The following TIFAB variants were observed in gnomAD, a reference collection of about 807,000 sequenced individuals.
The protein encoded by TIFAB is TRAF-interacting protein with FHA domain-containing protein B.
For missense variants in TIFAB, 222 were observed against 203.6 expected (o/e 1.09, Z -0.55); for synonymous variants, 116 against 95.2 (o/e 1.22, Z -1.27).
Position 135,446,315 on chromosome 5 carries a change from G to C in TIFAB, c.*3139C>G. On this transcript the variant is annotated 3_prime_UTR_variant, in exon 2 of 2. Coordinates refer to ENST00000537858, the MANE Select transcript of TIFAB (RefSeq NM_001099221.2). ...GCTGGGAGCAGCGTTCATGTGCACT[G>C]TATGTTCGTGTTTAGTGTATGTCTG... 2.6e-6 allele frequency: 4 copies of C among 1,534,518 alleles called. No homozygotes were observed. The South Asian group carries it at 5.2e-5, about 20-fold the overall frequency.
chr5:135,447,233 G>T lies in TIFAB; in HGVS notation c.*2221C>A, dbSNP rs1049043501. On this transcript the variant is annotated 3_prime_UTR_variant, in exon 2 of 2. Transcript: ENST00000537858. ...CCCATTATACTAACCCTGCCTATTG[G>T]ACCTTCTGATGCAAGGAGCAGATTA... 3.4e-6 allele frequency: 4 copies of T among 1,183,808 alleles called. No individual in the cohort carries two copies. The African/African-American group carries it at 6.1e-5, about 18-fold the overall frequency. 73.3% of individuals were successfully genotyped at this position (1,183,808 alleles called of 1,614,324 possible).
At position 135,447,016 on chromosome 5, in the gene TIFAB, A is replaced by G. The variant is rs1769281301; in HGVS notation, c.*2438T>C. The G allele has an allele frequency of 2.5e-6, 4 of 1,613,628 alleles. No individual in the cohort carries two copies. Among genetic ancestry groups the G allele is most frequent in the Non-Finnish European group, 3.4e-6 (4 of 1,179,786 alleles). On this transcript the variant is annotated 3_prime_UTR_variant, in exon 2 of 2. Transcript: ENST00000537858. ...ACCCTGGGAACTCTGGGGTTTCCCC[A>G]CCAGCTCCTCTCTCCAGTCTTTGGT...
chr5:135,450,086 C>T, intron 1 of TIFAB, 137 bp from the exon 2 acceptor site: 1 of 1,201,842 alleles, frequency 8.3e-7, no homozygotes, highest in Non-Finnish European at 1.1e-6. Flanking sequence ...CAGGATGGAG[C>T]CAAGGCTGGA....
chr5:135,446,236 T>G lies in TIFAB; in HGVS notation c.*3218A>C. ...TCCAGGATCACAGAACTATAGTAAG[T>G]GGGGGTGGGGACAAGAATTCTAACC... is the stretch of plus-strand genomic sequence containing the variant. On this transcript the variant is annotated 3_prime_UTR_variant, in exon 2 of 2. Coordinates refer to ENST00000537858, the MANE Select transcript of TIFAB (RefSeq NM_001099221.2). 1.0e-6 allele frequency: 1 copy of G among 1,001,456 alleles called. No individual in the cohort carries two copies. Among genetic ancestry groups the G allele is most frequent in the Non-Finnish European group, 1.5e-6 (1 of 679,056 alleles). The allele number at this position is 1,001,456 out of a possible 1,614,324, so 62.0% of individuals were successfully genotyped here. A position where few individuals can be genotyped will look rare whatever the true frequency, so the allele number is the denominator to read the frequency against.
Position 135,445,818 on chromosome 5 carries a change from G to A in TIFAB, c.*3636C>T, listed in dbSNP as rs537557379. The A allele has an allele frequency of 6.5e-6, 1 of 153,068 alleles. No homozygotes were observed. The highest frequency in any genetic ancestry group is 1.9e-4 in the East Asian group (1 of 5,184). 9.5% of individuals were successfully genotyped at this position (153,068 alleles called of 1,614,324 possible). ...GGAGCATTTGCAAGTCTCCCTCGAG[G>A]GGAGCCCGTGTCTCTCACGGACAGC... On this transcript the variant is annotated 3_prime_UTR_variant, in exon 2 of 2. Coordinates refer to ENST00000537858, the MANE Select transcript of TIFAB (RefSeq NM_001099221.2).
chr5:135,450,073 A>C, intron 1 of TIFAB, 124 bp from the exon 2 acceptor site: 1 of 1,317,954 alleles, frequency 7.6e-7, no homozygotes, highest in African/African-American at 1.5e-5. Context: ...ACTCTGCCCA[A>C]GCCAGGATGG....
In TIFAB at chr5:135,448,804, G is replaced by C. The variant is rs1769316202; in HGVS notation, c.*650C>G. ...GTCTATATTTCCCACCCCCACGTCT[G>C]CATGACAGCGTGGCGTGCATGTGGC... On this transcript the variant is annotated 3_prime_UTR_variant, in exon 2 of 2. Transcript: ENST00000537858. The C allele has an allele frequency of 6.5e-6, 1 of 152,858 alleles. No individual in the cohort carries two copies. The allele number at this position is 152,858 out of a possible 1,614,324, so 9.5% of individuals were successfully genotyped here.
chr5:135,446,551 T>C lies in TIFAB; in HGVS notation c.*2903A>G. On this transcript the variant is annotated 3_prime_UTR_variant, in exon 2 of 2. Transcript: ENST00000537858. Reference sequence around the variant, plus strand: ...TCCAGCTGTTAGGAGAAAGTGAAGGTGGGTGCCATGGATCTGATGATTTCA... The same window carrying C: ...TCCAGCTGTTAGGAGAAAGTGAAGGCGGGTGCCATGGATCTGATGATTTCA... 6.2e-7 allele frequency: 1 copy of C among 1,613,858 alleles called. No homozygotes were observed. The highest frequency in any genetic ancestry group is 8.5e-7 in the Non-Finnish European group (1 of 1,179,848).
Position 135,446,404 on chromosome 5 carries a change from G to A in TIFAB, c.*3050C>T. The A allele has an allele frequency of 3.1e-6, 5 of 1,608,552 alleles. No homozygotes were observed. The highest frequency in any genetic ancestry group is 1.3e-5 in the African/African-American group (1 of 74,950). ...CAGGCACGTGGGCTGCCCTGCGGTG[G>A]GAGCTGAGAGAATGCAGTGGAGGTT... On this transcript the variant is annotated 3_prime_UTR_variant, in exon 2 of 2. Transcript: ENST00000537858.
chr5:135,451,095 GCCCCAT>G (rs1443475814), intron 1 of TIFAB, among the ~76,000 whole-genome samples: 49 of 152,324 alleles, frequency 3.2e-4, no homozygotes, highest in South Asian at 2.5e-3. Context: ...GGTTCTTGCT[GCCCCAT>G]GTTCCACTGC....
intron 1 of TIFAB, 110 bp from the exon 2 acceptor site, chr5:135,450,059 A>T: frequency 7.1e-7 from 1 of 1,411,344 alleles, no homozygotes; most frequent in Non-Finnish European, 9.5e-7. Flanking sequence ...CTGTTCATAC[A>T]ATCACTCTGC....
At position 135,447,571 on chromosome 5, in the gene TIFAB, A is replaced by AG. The variant is rs1490938361; in HGVS notation, c.*1882_*1883insC. 5.7e-6 allele frequency: 1 copy of AG among 174,146 alleles called. No individual in the cohort carries two copies. Among genetic ancestry groups the AG allele is most frequent in the African/African-American group, 2.4e-5 (1 of 41,594 alleles). The allele number at this position is 174,146 out of a possible 1,614,324, so 10.8% of individuals were successfully genotyped here. A position where few individuals can be genotyped will look rare whatever the true frequency, so the allele number is the denominator to read the frequency against. Reference sequence around the variant, plus strand: ...AATAGAGGCAAGAGCAGACTAAATCACTTGCCCAAATCGCATAGCTACTGA... The same window carrying AG: ...AATAGAGGCAAGAGCAGACTAAATCAGCTTGCCCAAATCGCATAGCTACTGA... On this transcript the variant is annotated 3_prime_UTR_variant, in exon 2 of 2. Coordinates refer to ENST00000537858, the MANE Select transcript of TIFAB (RefSeq NM_001099221.2).
Position 135,447,861 on chromosome 5 carries a change from A to T in TIFAB, c.*1593T>A, listed in dbSNP as rs921691791. ...GAGTGCAAGGTAAACTCCCTGAGGGAGTTTGCCTTATTCACTTCTGGTTCA... is the reference window on the plus strand; with the variant it reads ...GAGTGCAAGGTAAACTCCCTGAGGGTGTTTGCCTTATTCACTTCTGGTTCA... On this transcript the variant is annotated 3_prime_UTR_variant, in exon 2 of 2. Coordinates refer to ENST00000537858, the MANE Select transcript of TIFAB (RefSeq NM_001099221.2). The T allele has an allele frequency of 5.9e-5, 9 of 152,168 alleles. No individual in the cohort carries two copies. The highest frequency in any genetic ancestry group is 1.5e-5 in the Non-Finnish European group (1 of 68,062). 9.4% of individuals were successfully genotyped at this position (152,168 alleles called of 1,614,324 possible).
Position 135,446,218 on chromosome 5 carries a change from T to C in TIFAB, c.*3236A>G. ...GAGAGATTCAGTTACTTGTCCAGGA[T>C]CACAGAACTATAGTAAGTGGGGGTG... On this transcript the variant is annotated 3_prime_UTR_variant, in exon 2 of 2. Coordinates refer to ENST00000537858, the MANE Select transcript of TIFAB (RefSeq NM_001099221.2). 1 of 893,420 alleles carries C rather than the reference T, an allele frequency of 1.1e-6. No individual in the cohort carries two copies. The highest frequency in any genetic ancestry group is 1.7e-6 in the Non-Finnish European group (1 of 592,168). The allele number at this position is 893,420 out of a possible 1,614,324, so 55.3% of individuals were successfully genotyped here. A position where few individuals can be genotyped will look rare whatever the true frequency, so the allele number is the denominator to read the frequency against.
At position 135,446,307 on chromosome 5, in the gene TIFAB, T is replaced by A; in HGVS notation, c.*3147A>T. ...GGGCCCTAGCTGGGAGCAGCGTTCATGTGCACTGTATGTTCGTGTTTAGTG... is the reference window on the plus strand; with the variant it reads ...GGGCCCTAGCTGGGAGCAGCGTTCAAGTGCACTGTATGTTCGTGTTTAGTG... On this transcript the variant is annotated 3_prime_UTR_variant, in exon 2 of 2. Coordinates refer to ENST00000537858, the MANE Select transcript of TIFAB (RefSeq NM_001099221.2). 1 of 1,523,578 alleles carries A rather than the reference T, an allele frequency of 6.6e-7. No individual in the cohort carries two copies. Among genetic ancestry groups the A allele is most frequent in the African/African-American group, 1.4e-5 (1 of 72,408 alleles). 94.4% of individuals were successfully genotyped at this position (1,523,578 alleles called of 1,614,324 possible). A position where few individuals can be genotyped will look rare whatever the true frequency, so the allele number is the denominator to read the frequency against.
In TIFAB at chr5:135,449,696, C is replaced by T; in HGVS notation, c.244G>A (p.Gly82Ser). Reference sequence around the variant, plus strand: ...GTCAGCCCATTGACCCACACACAGCCCTTGCGGCTCAGGGCCTTGAGGCAG... The same window carrying T: ...GTCAGCCCATTGACCCACACACAGCTCTTGCGGCTCAGGGCCTTGAGGCAG... ...AFCLKALSRK[G>S]CVWVNGLTLR... The change falls in exon 2 of 2, where the codon GGC (glycine) becomes AGC (serine). Residue 82 changes from glycine (G) to serine (S), a missense_variant. Gly to Ser is a moderately conservative substitution (Grantham distance 56, BLOSUM62 0). Coordinates refer to ENST00000537858, the MANE Select transcript of TIFAB (RefSeq NM_001099221.2). 3 of 1,614,160 alleles carry T rather than the reference C, an allele frequency of 1.9e-6. No individual in the cohort carries two copies. Among genetic ancestry groups the T allele is most frequent in the Non-Finnish European group, 2.5e-6 (3 of 1,180,052 alleles).
At chr5:135,451,467 A>G (rs931004839) in intron 1 of TIFAB, among the ~76,000 whole-genome samples, 57 of 150,770 alleles carry the variant, frequency 3.8e-4, no homozygotes, top group Non-Finnish European at 6.5e-4. Flanking sequence ...TAGTCTGCCG[A>G]AAGCCTTTCT....
chr5:135,447,240 T>TAACCCTGCCTATTG lies in TIFAB; in HGVS notation c.*2213_*2214insCAATAGGCAGGGTT. On this transcript the variant is annotated 3_prime_UTR_variant, in exon 2 of 2. Transcript: ENST00000537858. ...TACTAACCCTGCCTATTGGACCTTC[T>TAACCCTGCCTATTG]GATGCAAGGAGCAGATTAAAATCCC... 1 of 1,094,322 alleles carries TAACCCTGCCTATTG rather than the reference T, an allele frequency of 9.1e-7. No homozygotes were observed. Among genetic ancestry groups the TAACCCTGCCTATTG allele is most frequent in the Non-Finnish European group, 1.3e-6 (1 of 758,354 alleles). The allele number at this position is 1,094,322 out of a possible 1,614,324, so 67.8% of individuals were successfully genotyped here.
Position 135,449,301 on chromosome 5 carries a change from G to A in TIFAB, c.*153C>T. 1 of 1,121,722 alleles carries A rather than the reference G, an allele frequency of 8.9e-7. No homozygotes were observed. Among genetic ancestry groups the A allele is most frequent in the East Asian group, 2.5e-5 (1 of 40,116 alleles). 69.5% of individuals were successfully genotyped at this position (1,121,722 alleles called of 1,614,324 possible). A position where few individuals can be genotyped will look rare whatever the true frequency, so the allele number is the denominator to read the frequency against. On this transcript the variant is annotated 3_prime_UTR_variant, in exon 2 of 2. Transcript: ENST00000537858. ...AGTATTTCAAATCCTGTTTCATCTAGCAAAGGCTTGCTCTAGTGGCAGGGC... is the reference window on the plus strand; with the variant it reads ...AGTATTTCAAATCCTGTTTCATCTAACAAAGGCTTGCTCTAGTGGCAGGGC...
Sources: allele counts gnomAD v4.1 joint callset (sites outside exome capture counted in the v4.1 genomes callset), GRCh38; gene constraint gnomAD v4.1.1; transcripts MANE v1.5; gene names NCBI Gene and HGNC (gene_info 2026-07-23, HGNC 2026-07-21).